The following PAH variants were observed in gnomAD, a reference collection of about 807,000 sequenced individuals.
PAH encodes the protein phenylalanine hydroxylase, also known as phenylalanine-4-hydroxylase.
Under a neutral mutation model 62.0 loss-of-function variants are expected in PAH, and 64 were observed. The ratio of observed to expected loss-of-function variants is 1.03; its 90% confidence interval spans 0.84 to 1.27. PAH has a LOEUF of 1.27. Ranked by LOEUF, PAH falls within the 50% of genes most tolerant of loss-of-function variation. The pLI is 0.00. For synonymous variants in PAH, 195 were observed against 196.2 expected (o/e 0.99, Z 0.05); for missense variants, 579 against 542.8 (o/e 1.07, Z -0.66).
chr12:102,875,262 G>C (rs1876514637), intron 4 of PAH, among the ~76,000 whole-genome samples: 1 of 152,210 alleles, frequency 6.6e-6, no homozygotes, highest in Non-Finnish European at 1.5e-5. Flanking sequence ...GCATTCCAGA[G>C]AGTTTTAAAG....
intron 2 of PAH, among the ~76,000 whole-genome samples, chr12:102,912,327 T>G (rs1878231386): frequency 6.6e-6 from 1 of 152,180 alleles, no homozygotes; most frequent in Non-Finnish European, 1.5e-5. Flanking sequence ...AGGGACGGTG[T>G]CTTGCATATT....
At chr12:102,875,621 T>A (rs113560741) in intron 4 of PAH, among the ~76,000 whole-genome samples, 6,741 of 152,154 alleles carry the variant, frequency 0.044, 431 homozygotes, top group African/African-American at 0.14. Context: ...CTCCTGGGAG[T>A]AGGCTACATG....
intron 1 of PAH, among the ~76,000 whole-genome samples, chr12:102,948,352 G>A (rs1247729336): frequency 2.6e-5 from 4 of 152,168 alleles, no homozygotes; most frequent in Non-Finnish European, 5.9e-5. Context: ...GGAATGGAAA[G>A]TTAAGATTTC....
chr12:102,888,677 T>C (rs1482192584), intron 3 of PAH, among the ~76,000 whole-genome samples: 3 of 151,800 alleles, frequency 2.0e-5, no homozygotes, highest in African/African-American at 4.8e-5. Context: ...TGGGTTGGTG[T>C]CACCTCCCCC....
chr12:102,852,766 G>T (rs765850684), intron 7 of PAH, 49 bp downstream of exon 7: 2 of 1,612,904 alleles, frequency 1.2e-6, no homozygotes, highest in East Asian at 2.2e-5. Flanking sequence ...AGCAGGAAAA[G>T]ATGGCGCTCA....
At chr12:102,898,302 T>G (rs1877596042) in intron 2 of PAH, among the ~76,000 whole-genome samples, 1 of 152,256 alleles carries the variant, frequency 6.6e-6, no homozygotes, top group Non-Finnish European at 1.5e-5. Flanking sequence ...TAGTTGGTCC[T>G]CTAACATAAA....
At chr12:102,901,527 A>C (rs1329373201) in intron 2 of PAH, among the ~76,000 whole-genome samples, 1 of 152,206 alleles carries the variant, frequency 6.6e-6, no homozygotes, top group Admixed American at 6.5e-5. Flanking sequence ...AAGATGGAGC[A>C]CATCACATTT....
rs184503356 is a variant in PAH, at chr12:102,858,951, G to A, written c.510-3619C>T. On this transcript the variant is annotated intron_variant, in intron 5 of 12. Coordinates refer to ENST00000553106, the MANE Select transcript of PAH (RefSeq NM_000277.3). ...GAACAAACACATTCAAAAGCCAGCA[G>A]AAGGCAAGAAATAACTGAGATCAGA... 3.1e-3 allele frequency among the ~76,000 whole-genome samples: 479 copies of A among 152,222 alleles called. 6 individuals are homozygous for A. Among genetic ancestry groups the A allele is most frequent in the African/African-American group, 0.01 (419 of 41,528 alleles).
intron 1 of PAH, among the ~76,000 whole-genome samples, chr12:102,928,011 C>T (rs1216400743): frequency 6.6e-6 from 1 of 152,104 alleles, no homozygotes; most frequent in Non-Finnish European, 1.5e-5. Context: ...CAGCTTTATT[C>T]TTTCTATTTC....
intron 4 of PAH, chr12:102,877,094 G>C (rs1434970731): frequency 5.6e-6 from 2 of 355,282 alleles, no homozygotes; most frequent in Non-Finnish European, 1.1e-5. Flanking sequence ...GCCCCCTGCA[G>C]TTGGCAGAGT....
At chr12:102,895,951 A>G (rs1303602705) in intron 2 of PAH, among the ~76,000 whole-genome samples, 1 of 151,502 alleles carries the variant, frequency 6.6e-6, no homozygotes, top group Non-Finnish European at 1.5e-5. Flanking sequence ...GTAACACCCA[A>G]CAGTGGCCAA....
intron 3 of PAH, among the ~76,000 whole-genome samples, chr12:102,878,240 G>C (rs1415286384): frequency 1.3e-5 from 2 of 152,176 alleles, no homozygotes; most frequent in African/African-American, 2.4e-5. Flanking sequence ...CCCTCCCAAA[G>C]GCCCCAGGCA....
intron 1 of PAH, among the ~76,000 whole-genome samples, chr12:102,945,627 T>A (rs1167989321): frequency 1.3e-5 from 2 of 151,978 alleles, no homozygotes; most frequent in African/African-American, 4.8e-5. Flanking sequence ...TGATCTTCAC[T>A]CAAGGGCTAG....
At chr12:102,904,149 ATC>A (rs1445339708) in intron 2 of PAH, among the ~76,000 whole-genome samples, 18 of 152,182 alleles carry the variant, frequency 1.2e-4, no homozygotes, top group Non-Finnish European at 2.9e-5. Flanking sequence ...TCTACTTCTT[ATC>A]TTAATTTTTA....
chr12:102,910,441 G>A (rs1878160021), intron 2 of PAH, among the ~76,000 whole-genome samples: 1 of 151,644 alleles, frequency 6.6e-6, no homozygotes, highest in Non-Finnish European at 1.5e-5. Context: ...CACGATCCGG[G>A]CTCACTGCAA....
upstream of PAH, chr12:102,917,300 G>A (rs1411963189): frequency 2.9e-6 from 2 of 678,194 alleles, no homozygotes; most frequent in South Asian, 1.6e-5. Flanking sequence ...CCTCGTGGGC[G>A]TTGTCCTGAC....
intron 2 of PAH, among the ~76,000 whole-genome samples, chr12:102,901,314 A>G (rs766423819): frequency 3.7e-4 from 56 of 152,208 alleles, no homozygotes; most frequent in Non-Finnish European, 7.6e-4. Context: ...ACCTTTGGAT[A>G]TATTAATTGG....
At chr12:102,918,832 G>A (rs564961532), upstream of PAH, among the ~76,000 whole-genome samples, 2 of 152,168 alleles carry the variant, frequency 1.3e-5, no homozygotes, top group African/African-American at 4.8e-5. Context: ...ATCTGACTCC[G>A]GCATTTTTCA....
At chr12:102,926,207 A>C (rs1565877835) in intron 1 of PAH, among the ~76,000 whole-genome samples, 1 of 152,106 alleles carries the variant, frequency 6.6e-6, no homozygotes, top group Non-Finnish European at 1.5e-5. Flanking sequence ...AAGAGGTAAG[A>C]GACTATATGG....
Sources: gnomAD v4.1 joint callset for allele counts (sites outside exome capture counted in the v4.1 genomes callset) on GRCh38, gnomAD v4.1.1 for gene constraint, MANE v1.5 for transcripts, NCBI Gene and HGNC (gene_info 2026-07-23, HGNC 2026-07-21) for gene names.